COL4A1: variants seen among roughly 807,000 people sequenced by gnomAD.
COL4A1 encodes collagen type IV alpha 1 chain, also known as collagen alpha-1(IV) chain.
A neutral mutation model predicts 216.6 loss-of-function variants in COL4A1; 40 were observed. The observed-to-expected ratio is 0.18, with a 90% CI of 0.14 to 0.24. The LOEUF is 0.24. Among genes scored for constraint, COL4A1 ranks in the 10% least tolerant of loss-of-function variants. COL4A1 has a pLI of 1.00. For missense variants in COL4A1, 1,628 were observed against 2,196.8 expected (o/e 0.74, Z 5.18); for synonymous variants, 839 against 810.7 (o/e 1.03, Z -0.59).
intron 2 of COL4A1, among the ~76,000 whole-genome samples, chr13:110,219,864 GTGTGTGTATATATGTATATATA>G (rs1880359291): frequency 3.8e-5 from 2 of 52,988 alleles, no homozygotes. Flanking sequence ...ATGTATATAT[GTGTGTGTATATATGTATATATA>G]TGTGTGTATA....
intron 1 of COL4A1, among the ~76,000 whole-genome samples, chr13:110,297,394 C>T (rs1370062997): frequency 6.7e-6 from 1 of 150,298 alleles, no homozygotes; most frequent in East Asian, 1.9e-4. Context: ...ATCGTGTCTG[C>T]GACCTTCACA....
intron 1 of COL4A1, among the ~76,000 whole-genome samples, chr13:110,302,551 G>A (rs73619256): frequency 0.019 from 2,865 of 152,200 alleles, 89 homozygotes; most frequent in African/African-American, 0.066. Flanking sequence ...GCAGAGACAC[G>A]GAAAGAGCGC....
intron 37 of COL4A1, 124 bp from the exon 38 acceptor site, chr13:110,174,873 G>C: frequency 2.0e-6 from 2 of 1,019,912 alleles, no homozygotes; most frequent in South Asian, 2.5e-5. Context: ...TCCATTTCCA[G>C]ATTTCTCATC....
In COL4A1 at chr13:110,307,071, G is replaced by A. The variant is rs1401873182; in HGVS notation, c.-44C>T. On this transcript the variant is annotated 5_prime_UTR_variant, in exon 1 of 52. Coordinates refer to ENST00000375820, the MANE Select transcript of COL4A1 (RefSeq NM_001845.6). This position sits in a 1 kb window ranked among gnomAD's most constrained non-coding sequence, Gnocchi z 5.0. ...GCGAGGGACGGCTGCCCGGCGTGCG[G>A]GGGCCGCGGCGGACAGCTAGCTCTC... The A allele has an allele frequency of 1.4e-6, 2 of 1,398,204 alleles. No individual in the cohort carries two copies. The highest frequency in any genetic ancestry group is 2.9e-5 in the Admixed American group (1 of 34,468). 86.6% of individuals were successfully genotyped at this position (1,398,204 alleles called of 1,614,324 possible).
At position 110,268,659 on chromosome 13, in the gene COL4A1, A is replaced by G. The variant is rs1883133065; in HGVS notation, c.85-25925T>C. ...CTGGCCATTGGCTGCATGGCTTGCC[A>G]AGGGGCTCTACCTCTCCAAACCCGG... On this transcript the variant is annotated intron_variant, in intron 1 of 51. Coordinates refer to ENST00000375820, the MANE Select transcript of COL4A1 (RefSeq NM_001845.6). This position sits in a 1 kb window ranked among gnomAD's most constrained non-coding sequence, Gnocchi z 4.1. Among the ~76,000 whole-genome samples, 1 of 152,172 alleles carries G rather than the reference A, an allele frequency of 6.6e-6. No individual in the cohort carries two copies. Among genetic ancestry groups the G allele is most frequent in the Non-Finnish European group, 1.5e-5 (1 of 68,020 alleles).
intron 2 of COL4A1, among the ~76,000 whole-genome samples, chr13:110,222,831 G>A (rs1026128870): frequency 2.2e-5 from 3 of 139,430 alleles, no homozygotes; most frequent in Non-Finnish European, 3.1e-5. Context: ...ATTCATTGTA[G>A]TAATATATTA....
chr13:110,184,925 C>T (rs1007021221), intron 26 of COL4A1, among the ~76,000 whole-genome samples: 5 of 152,232 alleles, frequency 3.3e-5, no homozygotes, highest in African/African-American at 9.6e-5. Flanking sequence ...CCACCTTGGC[C>T]TCCCAAAGTG....
chr13:110,284,185 G>C (rs1284284135), intron 1 of COL4A1, among the ~76,000 whole-genome samples: 1 of 152,154 alleles, frequency 6.6e-6, no homozygotes, highest in Non-Finnish European at 1.5e-5. Flanking sequence ...CTAAAAAGAG[G>C]CTGCTAAATT....
At chr13:110,196,716 G>A (rs1169841225) in intron 21 of COL4A1, among the ~76,000 whole-genome samples, 7 of 152,096 alleles carry the variant, frequency 4.6e-5, no homozygotes, top group Admixed American at 2.0e-4. Flanking sequence ...ATTTTACAAC[G>A]CCTTCTCATC....
rs1189902433 is a variant in COL4A1, at chr13:110,268,401, G to A, written c.85-25667C>T. 1.3e-5 allele frequency among the ~76,000 whole-genome samples: 2 copies of A among 152,172 alleles called. No individual in the cohort carries two copies. The highest frequency in any genetic ancestry group is 2.4e-5 in the African/African-American group (1 of 41,440). On this transcript the variant is annotated intron_variant, in intron 1 of 51. Coordinates refer to ENST00000375820, the MANE Select transcript of COL4A1 (RefSeq NM_001845.6). The surrounding 1 kb of genome is among the most constrained non-coding windows in gnomAD (Gnocchi z 4.1). Reference sequence around the variant, plus strand: ...AAAGGGAGGTGAGTATGCAGAAGCCGGCATGGCCAGCTCTCTGCTCTCTTT... The same window carrying A: ...AAAGGGAGGTGAGTATGCAGAAGCCAGCATGGCCAGCTCTCTGCTCTCTTT...
chr13:110,193,052 T>C, intron 22 of COL4A1, 139 bp from the exon 23 acceptor site: 1 of 752,740 alleles, frequency 1.3e-6, no homozygotes. Flanking sequence ...CAATGGCTCC[T>C]CCAGACAGCT....
intron 20 of COL4A1, among the ~76,000 whole-genome samples, chr13:110,200,231 C>A (rs940524843): frequency 6.6e-6 from 1 of 152,046 alleles, no homozygotes; most frequent in Non-Finnish European, 1.5e-5. Context: ...TGCACACGCA[C>A]ACACGTGGAC....
At position 110,173,559 on chromosome 13, in the gene COL4A1, T is replaced by G. The variant is rs542320401; in HGVS notation, c.3505+341A>C. On this transcript the variant is annotated intron_variant, in intron 40 of 51. Transcript: ENST00000375820. ...GGGAAATGCTGGGCAAAGAAAAGAG[T>G]TTTGTTTTGCTTTGCTTTGTTTTGT... is the stretch of plus-strand genomic sequence containing the variant. Among the ~76,000 whole-genome samples the G allele has an allele frequency of 6.8e-4, 104 of 151,912 alleles. 3 individuals carry two copies. The South Asian group carries it at 0.019, about 28-fold the overall frequency.
At chr13:110,195,191 T>C (rs1480086927) in intron 21 of COL4A1, 73 bp from the exon 22 acceptor site, 4 of 1,228,640 alleles carry the variant, frequency 3.3e-6, no homozygotes, top group African/African-American at 1.5e-5. Context: ...ACCTCTATTA[T>C]AAAACCAAAA....
At chr13:110,222,159 C>T (rs1419127668) in intron 2 of COL4A1, among the ~76,000 whole-genome samples, 1 of 152,138 alleles carries the variant, frequency 6.6e-6, no homozygotes, top group Non-Finnish European at 1.5e-5. Flanking sequence ...TCAGCACATT[C>T]GAGAGCGCTG....
Position 110,198,537 on chromosome 13 carries a change from T to C in COL4A1, c.1215A>G (p.Gly405=), listed in dbSNP as rs1297699116. Residue 405 remains glycine (G), a synonymous_variant, in exon 21 of 52, where the codon GGA becomes GGG. Coordinates refer to ENST00000375820, the MANE Select transcript of COL4A1 (RefSeq NM_001845.6). ...DRGFPGTSLP[G]PSGRDGLPGP... is the part of the protein sequence containing the mutation. ...CCGGGAGCCCATCTCTTCCACTTGG[T>C]CCTGGCAGAGATGTACCAGGAAATC... The C allele has an allele frequency of 6.2e-7, 1 of 1,614,074 alleles. No individual in the cohort carries two copies. The highest frequency in any genetic ancestry group is 2.2e-5 in the East Asian group (1 of 44,866).
chr13:110,284,330 T>C (rs1325208640), intron 1 of COL4A1, among the ~76,000 whole-genome samples: 1 of 152,172 alleles, frequency 6.6e-6, no homozygotes, highest in African/African-American at 2.4e-5. Context: ...CTCTAACATC[T>C]GACTAATGTG....
At chr13:110,208,704 G>A in intron 12 of COL4A1, 145 bp downstream of exon 12, 2 of 830,144 alleles carry the variant, frequency 2.4e-6, no homozygotes, top group South Asian at 2.7e-5. Flanking sequence ...GGCATTTTAA[G>A]GAAAACACTA....
At chr13:110,237,020 AG>A (rs145813550) in intron 2 of COL4A1, among the ~76,000 whole-genome samples, 5,208 of 152,184 alleles carry the variant, frequency 0.034, 127 homozygotes, top group African/African-American at 0.065. Flanking sequence ...CCTGTAGAAC[AG>A]GAACTGGGAG....
Sources: gnomAD v4.1 joint callset for allele counts (sites outside exome capture counted in the v4.1 genomes callset) on GRCh38, gnomAD v4.1.1 for gene constraint, Gnocchi (gnomAD v3.1) non-coding constraint, MANE v1.5 for transcripts, NCBI Gene and HGNC (gene_info 2026-07-23, HGNC 2026-07-21) for gene names.